The following DLGAP2 variants were observed in gnomAD, a reference collection of about 807,000 sequenced individuals.
DLGAP2 encodes the protein DLG associated protein 2.
A neutral mutation model predicts 100.3 loss-of-function variants in DLGAP2; 26 were observed. The ratio of observed to expected loss-of-function variants is 0.26; its 90% CI spans 0.19 to 0.36. DLGAP2 has a LOEUF of 0.36. Among genes scored for constraint, DLGAP2 ranks in the 10% least tolerant of loss-of-function variants. DLGAP2 has a pLI of 1.00. For synonymous variants in DLGAP2, 886 were observed against 630.1 expected, an observed-to-expected ratio of 1.41 and a Z score of -6.08; for missense variants, 1,858 against 1,453.2, an observed-to-expected ratio of 1.28 and a Z score of -4.53.
Position 1,230,455 on chromosome 8 carries a change from A to G in DLGAP2, c.74-28396A>G, listed in dbSNP as rs141521224. Among the ~76,000 whole-genome samples, 989 of 152,332 alleles carry G rather than the reference A, an allele frequency of 6.5e-3. 5 individuals carry two copies. Among genetic ancestry groups the G allele is most frequent in the African/African-American group, 0.023 (961 of 41,568 alleles). On this transcript the variant is annotated intron_variant, in intron 2 of 14. Coordinates refer to ENST00000637795, the MANE Select transcript of DLGAP2 (RefSeq NM_001346810.2). ...ACTGCCCAAAGCGATCTACAGATTCAATGCTATTCCTATCAAACTACCAAA... is the reference window on the plus strand; with the variant it reads ...ACTGCCCAAAGCGATCTACAGATTCGATGCTATTCCTATCAAACTACCAAA...
intron 1 of DLGAP2, among the ~76,000 whole-genome samples, chr8:813,178 T>A (rs941906736): frequency 2.0e-5 from 3 of 152,148 alleles, no homozygotes; most frequent in African/African-American, 7.2e-5. Flanking sequence ...CTTACCTTAT[T>A]ATATGGTCAA....
intron 3 of DLGAP2, among the ~76,000 whole-genome samples, chr8:1,265,962 C>A (rs1029675079): frequency 6.6e-6 from 1 of 152,112 alleles, no homozygotes; most frequent in Non-Finnish European, 1.5e-5. Flanking sequence ...GGAATCTGCT[C>A]CAAGAAGCTA....
At chr8:1,640,289 T>A (rs1163160065) in intron 8 of DLGAP2, among the ~76,000 whole-genome samples, 1 of 151,806 alleles carries the variant, frequency 6.6e-6, no homozygotes, top group Non-Finnish European at 1.5e-5. Flanking sequence ...GAAGCCCAGG[T>A]GTGCTGCCCC....
chr8:793,682 C>G (rs940150577), intron 1 of DLGAP2, among the ~76,000 whole-genome samples: 4 of 152,240 alleles, frequency 2.6e-5, no homozygotes, highest in South Asian at 2.1e-4. Context: ...TGTGCAATTT[C>G]CTTATAGATT....
chr8:1,454,842 A>G (rs996062023), intron 3 of DLGAP2, among the ~76,000 whole-genome samples: 2 of 152,174 alleles, frequency 1.3e-5, no homozygotes, highest in African/African-American at 4.8e-5. Flanking sequence ...CATCAGGATG[A>G]TGGAAGGTTA....
intron 1 of DLGAP2, among the ~76,000 whole-genome samples, chr8:881,730 G>A (rs1311312607): frequency 7.0e-6 from 1 of 142,396 alleles, no homozygotes; most frequent in Non-Finnish European, 1.5e-5. Flanking sequence ...TGTTGGCCAG[G>A]CTGGTCTCGA....
At chr8:1,318,954 C>G (rs1392856855) in intron 3 of DLGAP2, among the ~76,000 whole-genome samples, 3 of 152,070 alleles carry the variant, frequency 2.0e-5, no homozygotes, top group African/African-American at 7.2e-5. Flanking sequence ...TTTTCCTCAC[C>G]TGTGAGATGG....
At chr8:1,520,998 C>T (rs377061421) in intron 4 of DLGAP2, among the ~76,000 whole-genome samples, 7 of 152,172 alleles carry the variant, frequency 4.6e-5, no homozygotes, top group African/African-American at 1.4e-4. Flanking sequence ...TGAGGCTCCG[C>T]GTCCTGGCCG....
At chr8:1,307,677 C>T (rs1416971404) in intron 3 of DLGAP2, among the ~76,000 whole-genome samples, 1 of 152,248 alleles carries the variant, frequency 6.6e-6, no homozygotes, top group African/African-American at 2.4e-5. Flanking sequence ...GAAAGAAGAA[C>T]ATTTAGCCTT....
rs372080511 is a variant in DLGAP2 at position 1,018,206 on chromosome 8, C to T, written c.73+110240C>T. On this transcript the variant is annotated intron_variant, in intron 2 of 14. Transcript: ENST00000637795. Reference sequence around the variant, plus strand: ...ATGATCCCTGCCCCTATAGGCCCTCCGTCCTCAGCTTGTCCCTGCTCAATC... The same window carrying T: ...ATGATCCCTGCCCCTATAGGCCCTCTGTCCTCAGCTTGTCCCTGCTCAATC... 1.6e-4 allele frequency among the ~76,000 whole-genome samples: 24 copies of T among 152,164 alleles called. No individual in the cohort carries two copies. The East Asian group carries it at 4.7e-3, about 30-fold the overall frequency.
chr8:894,937 AGGGGCGGGGTGGGGAAAGT>A (rs1798114884), intron 1 of DLGAP2, among the ~76,000 whole-genome samples: 2 of 107,274 alleles, frequency 1.9e-5, no homozygotes, highest in South Asian at 3.6e-4. Flanking sequence ...GGCGGTTGGC[AGGGGCGGGGTGGGGAAAGT>A]GGGGTGGCGG....
intron 3 of DLGAP2, among the ~76,000 whole-genome samples, chr8:1,439,590 T>C (rs1233438660): frequency 6.6e-6 from 1 of 152,122 alleles, no homozygotes; most frequent in African/African-American, 2.4e-5. Context: ...CCAGTCACTT[T>C]CCTTCCTTTT....
At chr8:1,101,026 GTGGGGTTTCTTC>G (rs765861289) in intron 2 of DLGAP2, among the ~76,000 whole-genome samples, 1 of 152,168 alleles carries the variant, frequency 6.6e-6, no homozygotes, top group Admixed American at 6.5e-5. Context: ...CTGGTCCCAC[GTGGGGTTTCTTC>G]TGGGGTTCCT....
At chr8:1,204,456 C>T (rs531568253) in intron 2 of DLGAP2, among the ~76,000 whole-genome samples, 11 of 152,306 alleles carry the variant, frequency 7.2e-5, no homozygotes, top group African/African-American at 2.2e-4. Flanking sequence ...GTGTAATGAC[C>T]GTGTGTGGTC....
chr8:1,358,585 A>C (rs751773711), intron 3 of DLGAP2, among the ~76,000 whole-genome samples: 2 of 152,200 alleles, frequency 1.3e-5, no homozygotes, highest in Non-Finnish European at 2.9e-5. Context: ...ACTTAGTGCA[A>C]GAAAGAGGCC....
rs551085463 is a variant in DLGAP2 at position 1,267,558 on chromosome 8, C to CAAAATAAAATAAAATAAAATAAAAT, written c.106+8683_106+8707dup. 2.9e-4 allele frequency among the ~76,000 whole-genome samples: 18 copies of CAAAATAAAATAAAATAAAATAAAAT among 63,110 alleles called. 1 individual carries two copies. Among genetic ancestry groups the CAAAATAAAATAAAATAAAATAAAAT allele is most frequent in the African/African-American group, 1.4e-3 (15 of 10,566 alleles). 41.4% of individuals were successfully genotyped at this position (63,110 alleles called of 152,430 possible). A position where few individuals can be genotyped will look rare whatever the true frequency, so the allele number is the denominator to read the frequency against. On this transcript the variant is annotated intron_variant, in intron 3 of 14. Transcript: ENST00000637795. Reference sequence around the variant, plus strand: ...TGGGAGACAGAGCAAAATTCCCGCTCAAAATAAAATAAAATAAAATAAAAT... The same window carrying CAAAATAAAATAAAATAAAATAAAAT: ...TGGGAGACAGAGCAAAATTCCCGCTCAAAATAAAATAAAATAAAATAAAATAAAATAAAATAAAATAAAATAAAAT...
chr8:1,416,803 G>C (rs1223315679), intron 3 of DLGAP2, among the ~76,000 whole-genome samples: 2 of 152,190 alleles, frequency 1.3e-5, no homozygotes, highest in Non-Finnish European at 2.9e-5. Flanking sequence ...GCGAGCACCC[G>C]TGCCGGCCTC....
At chr8:1,198,670 AC>A (rs1797805154) in intron 2 of DLGAP2, among the ~76,000 whole-genome samples, 1 of 152,076 alleles carries the variant, frequency 6.6e-6, no homozygotes, top group Non-Finnish European at 1.5e-5. Flanking sequence ...GCCCAGCTCC[AC>A]CCCATGTCCA....
chr8:1,518,526 C>G (rs1458167000), intron 4 of DLGAP2, among the ~76,000 whole-genome samples: 4 of 152,136 alleles, frequency 2.6e-5, no homozygotes, highest in Non-Finnish European at 4.4e-5. Context: ...GCTGTGGTGA[C>G]TGTCCAGTTT....
Sources: allele counts gnomAD v4.1 joint callset (sites outside exome capture counted in the v4.1 genomes callset), GRCh38; gene constraint gnomAD v4.1.1; transcripts MANE v1.5; gene names NCBI Gene and HGNC (gene_info 2026-07-23, HGNC 2026-07-21).